Variants in SORCS3 observed in about 807,000 individuals in gnomAD.
SORCS3 encodes sortilin related VPS10 domain containing receptor 3, also known as VPS10 domain-containing receptor SorCS3.
SORCS3 carries 57 observed loss-of-function variants against 146.3 expected under a neutral mutation model. That is an observed-to-expected ratio of 0.39 (90% CI 0.31 to 0.49). SORCS3 has a LOEUF of 0.49. Ranked by LOEUF, SORCS3 falls within the 20% of genes least tolerant of loss-of-function variation. SORCS3 has a pLI of 0.92. For synonymous variants in SORCS3, 653 were observed against 618.5 expected (o/e 1.06, Z -0.83); for missense variants, 1,341 against 1,575.5 (o/e 0.85, Z 2.52).
At chr10:104,755,999 G>A (rs944163718) in intron 1 of SORCS3, among the ~76,000 whole-genome samples, 1 of 152,160 alleles carries the variant, frequency 6.6e-6, no homozygotes, top group African/African-American at 2.4e-5. Context: ...GAGGCAGTGG[G>A]GAGCCAGCCC....
chr10:104,904,972 A>G (rs2018890150), intron 2 of SORCS3, among the ~76,000 whole-genome samples: 1 of 152,184 alleles, frequency 6.6e-6, no homozygotes, highest in South Asian at 2.1e-4. Flanking sequence ...TCTAAGAGTC[A>G]CTGTGATAGT....
chr10:105,079,099 T>C (rs1450717888), intron 5 of SORCS3, among the ~76,000 whole-genome samples: 1 of 152,232 alleles, frequency 6.6e-6, no homozygotes, highest in East Asian at 1.9e-4. Flanking sequence ...GTCATCTATG[T>C]ATTTCTTAAA....
intron 1 of SORCS3, among the ~76,000 whole-genome samples, chr10:104,795,513 C>T (rs2017544640): frequency 6.6e-6 from 1 of 152,200 alleles, no homozygotes; most frequent in Admixed American, 6.5e-5. Flanking sequence ...TGGTTCATGA[C>T]AAACAGGTTC....
chr10:105,110,918 C>T (rs762168867), intron 7 of SORCS3, among the ~76,000 whole-genome samples: 9 of 152,140 alleles, frequency 5.9e-5, no homozygotes, highest in Non-Finnish European at 1.3e-4. Context: ...ACCAGCCAGT[C>T]ACAGGGCTAA....
In SORCS3 at chr10:105,139,563, T is replaced by G. The variant is rs78250166; in HGVS notation, c.1302+77T>G. 5,321 of 1,162,024 alleles carry G rather than the reference T, an allele frequency of 4.6e-3. 180 individuals are homozygous for G. The African/African-American group carries it at 0.071, about 15-fold the overall frequency. The allele number at this position is 1,162,024 out of a possible 1,614,324, so 72.0% of individuals were successfully genotyped here. On this transcript the variant is annotated intron_variant, in intron 8 of 26. Coordinates refer to ENST00000369701, the MANE Select transcript of SORCS3 (RefSeq NM_014978.3). Reference sequence around the variant, plus strand: ...TGGAGAGGCTGCTTTGTTGGGCTACTGGGAGGTTTTATCTGTTTGGAAGGA... The same window carrying G: ...TGGAGAGGCTGCTTTGTTGGGCTACGGGGAGGTTTTATCTGTTTGGAAGGA...
rs572709313 is a variant in SORCS3 at position 105,123,059 on chromosome 10, G to A, written c.1213-16338G>A. Among the ~76,000 whole-genome samples, 9 of 152,340 alleles carry A rather than the reference G, an allele frequency of 5.9e-5. No individual in the cohort carries two copies. In the South Asian group the frequency reaches 1.2e-3, roughly 21 times the overall value. ...AAGAAGGGCTTCCAAATCTTCTGTTGTTGTTCTTGGAGAACTGCCTTCCAG... is the reference window on the plus strand; with the variant it reads ...AAGAAGGGCTTCCAAATCTTCTGTTATTGTTCTTGGAGAACTGCCTTCCAG... On this transcript the variant is annotated intron_variant, in intron 7 of 26. Transcript: ENST00000369701.
chr10:105,010,696 A>C (rs1383693345), intron 4 of SORCS3, among the ~76,000 whole-genome samples: 1 of 151,286 alleles, frequency 6.6e-6, no homozygotes, highest in Non-Finnish European at 1.5e-5. Flanking sequence ...TAAATGAAAA[A>C]TCTTTCCATT....
chr10:104,736,565 T>C (rs140661686), intron 1 of SORCS3, among the ~76,000 whole-genome samples: 57 of 152,334 alleles, frequency 3.7e-4, no homozygotes, highest in African/African-American at 1.3e-3. Flanking sequence ...TGGATATTAT[T>C]GTCAGCATCC....
intron 5 of SORCS3, among the ~76,000 whole-genome samples, chr10:105,044,733 T>C (rs1166301436): frequency 6.6e-6 from 1 of 151,834 alleles, no homozygotes; most frequent in Non-Finnish European, 1.5e-5. Flanking sequence ...TCTTTGTACA[T>C]GGTTCGGAGT....
intron 1 of SORCS3, among the ~76,000 whole-genome samples, chr10:104,814,082 A>G (rs1345120674): frequency 6.6e-6 from 1 of 152,022 alleles, no homozygotes; most frequent in East Asian, 1.9e-4. Context: ...CTCTTCTAGA[A>G]TATCTCTTAC....
At chr10:104,959,551 T>C (rs568706423) in intron 3 of SORCS3, among the ~76,000 whole-genome samples, 1 of 152,200 alleles carries the variant, frequency 6.6e-6, no homozygotes, top group South Asian at 2.1e-4. Context: ...AAGTGATGGG[T>C]ATGCATAAGC....
chr10:104,957,519 G>A (rs1051660255), intron 3 of SORCS3, among the ~76,000 whole-genome samples: 2 of 151,252 alleles, frequency 1.3e-5, no homozygotes, highest in Non-Finnish European at 2.9e-5. Flanking sequence ...GGTTTGTGTG[G>A]TATTGTTTTC....
intron 1 of SORCS3, among the ~76,000 whole-genome samples, chr10:104,805,472 CA>C (rs765980531): frequency 6.6e-6 from 1 of 152,128 alleles, no homozygotes; most frequent in Non-Finnish European, 1.5e-5. Context: ...GTGTGGAAGA[CA>C]TTTTTTTTAA....
At chr10:105,227,813 T>G (rs1269473961) in intron 20 of SORCS3, among the ~76,000 whole-genome samples, 2 of 152,142 alleles carry the variant, frequency 1.3e-5, no homozygotes, top group East Asian at 3.9e-4. Flanking sequence ...TTGTATTTTT[T>G]GTTTTTTATT....
chr10:104,738,143 C>A lies in SORCS3; in HGVS notation c.627+96189C>A, dbSNP rs183044728. On this transcript the variant is annotated intron_variant, in intron 1 of 26. Coordinates refer to ENST00000369701, the MANE Select transcript of SORCS3 (RefSeq NM_014978.3). Reference sequence around the variant, plus strand: ...CTGTTCCATTGATCTATACCAGTACCATGCTGTTTTGGTTACTGTAGCCTT... The same window carrying A: ...CTGTTCCATTGATCTATACCAGTACAATGCTGTTTTGGTTACTGTAGCCTT... Among the ~76,000 whole-genome samples, 6 of 152,228 alleles carry A rather than the reference C, an allele frequency of 3.9e-5. No individual in the cohort carries two copies. In the East Asian group the frequency reaches 1.2e-3, roughly 29 times the overall value.
Position 104,745,705 on chromosome 10 carries a change from C to T in SORCS3, c.628-97087C>T, listed in dbSNP as rs1564673912. On this transcript the variant is annotated intron_variant, in intron 1 of 26. Coordinates refer to ENST00000369701, the MANE Select transcript of SORCS3 (RefSeq NM_014978.3). ...ATTTATTCATCTTATATCACTGAAA[C>T]GTTGTATCCTTTGACTGATACCTCC... Among the ~76,000 whole-genome samples the T allele has an allele frequency of 2.0e-5, 3 of 152,130 alleles. 1 individual carries two copies. Among genetic ancestry groups the T allele is most frequent in the South Asian group, 4.1e-4 (2 of 4,820 alleles).
intron 12 of SORCS3, 25 bp from the exon 13 acceptor site, chr10:105,167,233 G>T (rs770247280): frequency 5.2e-6 from 7 of 1,340,200 alleles, no homozygotes; most frequent in Middle Eastern, 1.8e-4. Context: ...TGCTATGATT[G>T]TTGTTGTTGT....
chr10:104,731,376 C>T (rs1486927465), intron 1 of SORCS3, among the ~76,000 whole-genome samples: 1 of 152,174 alleles, frequency 6.6e-6, no homozygotes, highest in Non-Finnish European at 1.5e-5. Context: ...TCTTAATCTG[C>T]ATCTTCATTT....
At chr10:105,245,489 T>A in intron 20 of SORCS3, 53 bp from the exon 21 acceptor site, 1 of 1,594,930 alleles carries the variant, frequency 6.3e-7, no homozygotes, top group South Asian at 1.1e-5. Context: ...GGAAAGGAAA[T>A]AAAGTTGATA....
Sources: gnomAD v4.1 joint callset for allele counts (sites outside exome capture counted in the v4.1 genomes callset) on GRCh38, gnomAD v4.1.1 for gene constraint, MANE v1.5 for transcripts, NCBI Gene and HGNC (gene_info 2026-07-23, HGNC 2026-07-21) for gene names.